The following KDM8 variants were observed in gnomAD, a reference collection of about 807,000 sequenced individuals.
KDM8 encodes lysine demethylase 8, also known as bifunctional peptidase and arginyl-hydroxylase JMJD5.
In KDM8, 35 loss-of-function variants were observed where a neutral mutation model predicts 46.9. The observed-to-expected ratio is 0.75, with a 90% CI of 0.57 to 0.99. KDM8 has a LOEUF of 0.99. KDM8 is among the 50% of genes least tolerant of loss of function. KDM8 has a pLI of 0.00. For synonymous variants in KDM8, 232 were observed against 227.7 expected (o/e 1.02, Z -0.17); for missense variants, 475 against 537.0 (o/e 0.88, Z 1.14).
rs754134943 is a variant in KDM8 at position 27,210,445 on chromosome 16, C to T, written c.322C>T (p.Gln108Ter). 13 of 1,600,246 alleles carry T rather than the reference C, an allele frequency of 8.1e-6. No individual in the cohort carries two copies. In the South Asian group the frequency reaches 1.1e-4, roughly 14 times the overall value. ...GCLLKALCLC[Q>*]APEDANTVAA... is the part of the protein sequence containing the mutation. ...CCTCCTGAAAGCCCTGTGTCTGTGC[C>T]AGGCACCTGAGGATGCCAACACTGT... Residue 108 changes from glutamine to a stop codon, truncating the protein, a stop_gained, in exon 2 of 8, where the codon CAG becomes TAG. Transcript: ENST00000286096. LOFTEE classifies it high-confidence loss of function.
chr16:27,213,508 A>C, intron 2 of KDM8, 77 bp from the exon 3 acceptor site: 1 of 1,502,938 alleles, frequency 6.7e-7, no homozygotes, highest in East Asian at 2.3e-5. Flanking sequence ...TACCCCTGAC[A>C]CAGGTTCCTG....
intron 1 of KDM8, among the ~76,000 whole-genome samples, chr16:27,205,255 A>G (rs905314260): frequency 1.3e-5 from 2 of 152,122 alleles, no homozygotes; most frequent in Non-Finnish European, 2.9e-5. Context: ...CTTTTATAAG[A>G]TTCATTTTAG....
chr16:27,216,889 T>G (rs1216397261), intron 5 of KDM8, among the ~76,000 whole-genome samples: 1 of 150,868 alleles, frequency 6.6e-6, no homozygotes, highest in Admixed American at 6.6e-5. Context: ...ATGGCCTCAG[T>G]GTGGGCTGGG....
Position 27,204,167 on chromosome 16 carries a change from C to T in KDM8, c.-32+531C>T, listed in dbSNP as rs537810050. ...GGTCTGAGGCCTCGGGGCTCAAGGC[C>T]AGTGCGGGGTACGGGGGACCCTCTG... On this transcript the variant is annotated intron_variant, in intron 1 of 7. Transcript: ENST00000286096. 4 of 1,511,512 alleles carry T rather than the reference C, an allele frequency of 2.6e-6. No individual in the cohort carries two copies. In the African/African-American group the frequency reaches 4.3e-5, roughly 16 times the overall value. 93.6% of individuals were successfully genotyped at this position (1,511,512 alleles called of 1,614,324 possible). A position where few individuals can be genotyped will look rare whatever the true frequency, so the allele number is the denominator to read the frequency against.
At chr16:27,208,131 A>T (rs2083444314) in intron 1 of KDM8, among the ~76,000 whole-genome samples, 1 of 152,204 alleles carries the variant, frequency 6.6e-6, no homozygotes, top group South Asian at 2.1e-4. Flanking sequence ...TGTACAGCCA[A>T]CTCACAGTAT....
intron 5 of KDM8, among the ~76,000 whole-genome samples, chr16:27,216,607 T>C (rs2083557177): frequency 6.6e-6 from 1 of 151,736 alleles, no homozygotes; most frequent in African/African-American, 2.4e-5. Flanking sequence ...CCTGGGATGC[T>C]GATCAGCTGC....
At chr16:27,212,351 G>T (rs2083493863) in intron 2 of KDM8, among the ~76,000 whole-genome samples, 1 of 152,210 alleles carries the variant, frequency 6.6e-6, no homozygotes, top group Admixed American at 6.5e-5. Context: ...GTGGCCAAGG[G>T]CATGGGGTGT....
rs118003347 is a variant in KDM8, at chr16:27,212,864, T to C, written c.499-721T>C. The stretch of plus-strand genomic sequence containing the variant: ...GTACCACCACGCCGAGCTTTTTAAA[T>C]TTTTTCTAGAGCCAGAGGTTTCTCT... On this transcript the variant is annotated intron_variant, in intron 2 of 7. Coordinates refer to ENST00000286096, the MANE Select transcript of KDM8 (RefSeq NM_024773.3). Among the ~76,000 whole-genome samples, 100 of 152,324 alleles carry C rather than the reference T, an allele frequency of 6.6e-4. 1 individual carries two copies. In the East Asian group the frequency reaches 0.017, roughly 26 times the overall value.
At chr16:27,206,204 C>T in intron 1 of KDM8, 1 of 983,766 alleles carries the variant, frequency 1.0e-6, no homozygotes, top group Non-Finnish European at 1.2e-6. Context: ...TGGCAAGTCA[C>T]ACATCTTATT....
chr16:27,215,140 C>A (rs938919975), intron 4 of KDM8, 132 bp downstream of exon 4: 3 of 1,018,696 alleles, frequency 2.9e-6, no homozygotes, highest in South Asian at 1.5e-5. Context: ...GTCGGAGGGA[C>A]GACCGCAGCG....
chr16:27,210,692 A>C, intron 2 of KDM8, 71 bp downstream of exon 2: 1 of 1,443,804 alleles, frequency 6.9e-7, no homozygotes, highest in African/African-American at 1.4e-5. Context: ...ATTCCGAGTC[A>C]TCTCTCCCCT....
chr16:27,213,847 C>A, intron 3 of KDM8, 96 bp downstream of exon 3: 2 of 1,227,498 alleles, frequency 1.6e-6, no homozygotes, highest in Non-Finnish European at 2.3e-6. Context: ...GGAAATGCAA[C>A]CTTGTAGATG....
At chr16:27,214,692 A>G (rs1214638741) in intron 3 of KDM8, 184 bp from the exon 4 acceptor site, 2 of 637,082 alleles carry the variant, frequency 3.1e-6, no homozygotes, top group Admixed American at 5.0e-5. Flanking sequence ...TATGAGCCAC[A>G]CAGCCTTGAG....
chr16:27,218,336 C>T (rs982284411), intron 5 of KDM8, among the ~76,000 whole-genome samples: 8 of 152,160 alleles, frequency 5.3e-5, no homozygotes, highest in Non-Finnish European at 1.2e-4. Flanking sequence ...CGGCCCTGCC[C>T]CACCGTGAAC....
Position 27,220,766 on chromosome 16 carries a change from A to G in KDM8, c.*36A>G. ...AGCTGAAAGGGCCTGACATGCAGAC[A>G]GCATTCATCTGTTCACTAATTTCCT... On this transcript the variant is annotated 3_prime_UTR_variant, in exon 8 of 8. Transcript: ENST00000286096. 4.3e-6 allele frequency: 7 copies of G among 1,609,490 alleles called. No homozygotes were observed. In the South Asian group the frequency reaches 7.7e-5, roughly 18 times the overall value.
chr16:27,218,799 A>G (rs1425878239), intron 5 of KDM8, among the ~76,000 whole-genome samples, 162 bp from the exon 6 acceptor site: 3 of 152,174 alleles, frequency 2.0e-5, no homozygotes, highest in African/African-American at 4.8e-5. Flanking sequence ...GTGAGCTGAG[A>G]TCACGCCACT....
rs2083611406 is a variant in KDM8 at position 27,220,650 on chromosome 16, A to T, written c.1171A>T (p.Ile391Phe). ...GTCCTGCATCCTGTCTCCTGGAGAG[A>T]TCCTGTTCATCCCGGTGAAATACTG... Reference protein sequence around the residue: ...FLSCILSPGEILFIPVKYWHY... With the variant: ...FLSCILSPGEFLFIPVKYWHY... Residue 391 changes from isoleucine (I) to phenylalanine (F), a missense_variant, in exon 8 of 8, where the codon ATC becomes TTC. Transcript: ENST00000286096. The T allele has an allele frequency of 1.2e-6, 2 of 1,613,990 alleles. No homozygotes were observed. Among genetic ancestry groups the T allele is most frequent in the East Asian group, 2.2e-5 (1 of 44,880 alleles).
intron 3 of KDM8, chr16:27,213,971 A>G (rs1367932004): frequency 1.2e-5 from 6 of 508,746 alleles, no homozygotes; most frequent in African/African-American, 1.9e-5. Context: ...TGCTCGCCTT[A>G]AGCGGTTTTT....
chr16:27,219,673 C>T (rs886699120), intron 6 of KDM8, among the ~76,000 whole-genome samples: 2 of 152,336 alleles, frequency 1.3e-5, no homozygotes, highest in African/African-American at 4.8e-5. Context: ...AGCTGGGCTT[C>T]GGGAGCCAGC....
Sources: gnomAD v4.1 joint callset for allele counts (sites outside exome capture counted in the v4.1 genomes callset) on GRCh38, gnomAD v4.1.1 for gene constraint, MANE v1.5 for transcripts, NCBI Gene and HGNC (gene_info 2026-07-23, HGNC 2026-07-21) for gene names.